Variants in TXNRD1 observed in about 807,000 individuals in gnomAD.
The protein encoded by TXNRD1 is thioredoxin reductase 1, cytoplasmic.
Under a neutral mutation model 80.3 loss-of-function variants are expected in TXNRD1, and 57 were observed. The ratio of observed to expected loss-of-function variants is 0.71; its 90% CI spans 0.57 to 0.89. The LOEUF is 0.89. TXNRD1 is among the 40% of genes least tolerant of loss of function. TXNRD1 has a pLI of 0.00. For synonymous variants in TXNRD1, 291 were observed against 285.2 expected (o/e 1.02, Z -0.20); for missense variants, 730 against 803.0 (o/e 0.91, Z 1.10).
intron 1 of TXNRD1, among the ~76,000 whole-genome samples, chr12:104,220,966 A>C (rs2032341791): frequency 6.6e-6 from 1 of 152,098 alleles, no homozygotes; most frequent in Non-Finnish European, 1.5e-5. Flanking sequence ...TCACTCTTTG[A>C]TGTTAAAAAC....
intron 8 of TXNRD1, among the ~76,000 whole-genome samples, 157 bp downstream of exon 8, chr12:104,319,212 C>T (rs1012538028): frequency 1.3e-5 from 2 of 152,040 alleles, no homozygotes; most frequent in Non-Finnish European, 2.9e-5. Flanking sequence ...CCTATGGGGC[C>T]TTGTGTGGAG....
intron 4 of TXNRD1, among the ~76,000 whole-genome samples, chr12:104,307,735 A>T (rs570517729): frequency 6.6e-6 from 1 of 152,294 alleles, no homozygotes; most frequent in African/African-American, 2.4e-5. Flanking sequence ...GCCACAGTTG[A>T]ATTGCTTTCT....
At chr12:104,263,980 A>G (rs2033422201) in intron 3 of TXNRD1, among the ~76,000 whole-genome samples, 2 of 152,220 alleles carry the variant, frequency 1.3e-5, no homozygotes, top group African/African-American at 4.8e-5. Flanking sequence ...TTGCTGTGTC[A>G]AGCCCAGGCC....
At chr12:104,282,885 C>T (rs1339975965) in intron 3 of TXNRD1, 1 of 152,136 alleles carries the variant, frequency 6.6e-6, no homozygotes, top group African/African-American at 2.4e-5. Flanking sequence ...TTTGTAGAGA[C>T]AAGGTCTTGC....
In TXNRD1 at chr12:104,338,944, C is replaced by T. The variant is rs35721006; in HGVS notation, c.1747-195C>T. Among the ~76,000 whole-genome samples the T allele has an allele frequency of 3.3e-3, 501 of 152,140 alleles. 5 individuals are homozygous for T. Among genetic ancestry groups the T allele is most frequent in the African/African-American group, 0.012 (494 of 41,530 alleles). ...TGTTAACCAGGATGGTCTCGACCTC[C>T]TGACCTCGTGATCCACCTGCCTCGG... On this transcript the variant is annotated intron_variant, in intron 15 of 16. Coordinates refer to ENST00000525566, the MANE Select transcript of TXNRD1 (RefSeq NM_001093771.3).
At chr12:104,235,644 C>T (rs958210785) in intron 1 of TXNRD1, among the ~76,000 whole-genome samples, 1 of 152,162 alleles carries the variant, frequency 6.6e-6, no homozygotes, top group Non-Finnish European at 1.5e-5. Context: ...TGAGGTTAGT[C>T]TTAAGCTGTA....
intron 2 of TXNRD1, among the ~76,000 whole-genome samples, chr12:104,252,674 A>G (rs1199874432): frequency 1.2e-4 from 12 of 102,754 alleles, no homozygotes; most frequent in African/African-American, 4.5e-4. Flanking sequence ...ATATATATAT[A>G]TATATATATA....
At chr12:104,322,162 T>C (rs2035554639) in intron 10 of TXNRD1, among the ~76,000 whole-genome samples, 1 of 152,120 alleles carries the variant, frequency 6.6e-6, no homozygotes, top group Admixed American at 6.6e-5. Context: ...GTTACCTCTC[T>C]GAACCCGTTT....
At chr12:104,316,533 G>A (rs1248558885) in intron 7 of TXNRD1, among the ~76,000 whole-genome samples, 1 of 152,138 alleles carries the variant, frequency 6.6e-6, no homozygotes, top group African/African-American at 2.4e-5. Context: ...GGGATTACGG[G>A]CGCCTGCCAC....
chr12:104,292,924 A>G (rs2034278711), intron 4 of TXNRD1, among the ~76,000 whole-genome samples: 1 of 152,234 alleles, frequency 6.6e-6, no homozygotes, highest in Non-Finnish European at 1.5e-5. Flanking sequence ...TTTGTTGAAC[A>G]CTTTAACAAT....
At chr12:104,216,498 C>T (rs1361635677) in intron 1 of TXNRD1, among the ~76,000 whole-genome samples, 1 of 152,248 alleles carries the variant, frequency 6.6e-6, no homozygotes, top group Admixed American at 6.5e-5. Flanking sequence ...CCAGTCTCTT[C>T]TCCATTGTCC....
At chr12:104,269,569 T>G (rs1312210480) in intron 3 of TXNRD1, among the ~76,000 whole-genome samples, 1 of 151,526 alleles carries the variant, frequency 6.6e-6, no homozygotes, top group Non-Finnish European at 1.5e-5. Flanking sequence ...CTAGCTAATT[T>G]TTGTTGTTGT....
At chr12:104,288,647 A>T (rs528823703) in intron 3 of TXNRD1, 5 of 818,880 alleles carry the variant, frequency 6.1e-6, no homozygotes, top group Non-Finnish European at 8.5e-6. Flanking sequence ...ATTTTAGCGG[A>T]GTAGTGCAAT....
chr12:104,330,517 A>G (rs1035900069), intron 13 of TXNRD1, among the ~76,000 whole-genome samples: 1 of 152,102 alleles, frequency 6.6e-6, no homozygotes. Context: ...CTTCTTTACC[A>G]TTTTAATGGC....
chr12:104,321,333 G>A lies in TXNRD1; in HGVS notation c.1215+17G>A. 6.2e-7 allele frequency: 1 copy of A among 1,605,116 alleles called. No individual in the cohort carries two copies. Among genetic ancestry groups the A allele is most frequent in the African/African-American group, 1.3e-5 (1 of 74,826 alleles). On this transcript the variant is annotated intron_variant, in intron 10 of 16. Coordinates refer to ENST00000525566, the MANE Select transcript of TXNRD1 (RefSeq NM_001093771.3). ...CCAATTAAAGTAAGTGGGTTTGCCT[G>A]TAGGTTTCTTGATTCTACATTCACA...
chr12:104,285,438 C>T (rs2033950428), intron 3 of TXNRD1, among the ~76,000 whole-genome samples: 1 of 152,134 alleles, frequency 6.6e-6, no homozygotes, highest in African/African-American at 2.4e-5. Context: ...CTATAATTTG[C>T]TCACTTAGGA....
At chr12:104,321,375 G>T (rs967534923) in intron 10 of TXNRD1, 59 bp downstream of exon 10, 2 of 1,386,264 alleles carry the variant, frequency 1.4e-6, no homozygotes, top group Non-Finnish European at 2.0e-6. Context: ...GGCAAAAAGA[G>T]AGTTGAGTTG....
At chr12:104,308,725 A>T (rs1182959705) in intron 4 of TXNRD1, among the ~76,000 whole-genome samples, 1 of 151,886 alleles carries the variant, frequency 6.6e-6, no homozygotes, top group African/African-American at 2.4e-5. Context: ...TTGGAGGAGG[A>T]TGGGGGAATT....
chr12:104,309,046 C>T (rs1473921538), intron 4 of TXNRD1, among the ~76,000 whole-genome samples: 1 of 151,860 alleles, frequency 6.6e-6, no homozygotes, highest in African/African-American at 2.4e-5. Flanking sequence ...TACAGGTGCA[C>T]GCCTCCACGC....
Sources: gnomAD v4.1 joint callset for allele counts (sites outside exome capture counted in the v4.1 genomes callset) on GRCh38, gnomAD v4.1.1 for gene constraint, MANE v1.5 for transcripts, NCBI Gene and HGNC (gene_info 2026-07-23, HGNC 2026-07-21) for gene names.